The following ROBO2 variants were observed in gnomAD, a reference collection of about 807,000 sequenced individuals.
ROBO2 encodes the protein roundabout guidance receptor 2, also known as roundabout homolog 2.
Under a neutral mutation model 160.8 loss-of-function variants are expected in ROBO2, and 53 were observed. That is an observed-to-expected ratio of 0.33 (90% confidence interval 0.26 to 0.41). ROBO2 has a LOEUF of 0.41. Among genes scored for constraint, ROBO2 ranks in the 10% least tolerant of loss-of-function variants. The probability of loss-of-function intolerance (pLI) is 1.00; values close to 1 mark genes in which losing one functional copy is unlikely to be tolerated. For missense variants in ROBO2, 1,577 were observed against 1,722.4 expected, an observed-to-expected ratio of 0.92 and a Z score of 1.49; for synonymous variants, 664 against 611.7, an observed-to-expected ratio of 1.09 and a Z score of -1.26.
chr3:77,441,624 C>T (rs2079931121), intron 2 of ROBO2, among the ~76,000 whole-genome samples: 3 of 151,998 alleles, frequency 2.0e-5, no homozygotes, highest in Admixed American at 1.3e-4. Flanking sequence ...TTCTGAAGGA[C>T]AGCTGGGACA....
intron 2 of ROBO2, among the ~76,000 whole-genome samples, chr3:76,522,336 G>A (rs553391710): frequency 3.9e-5 from 6 of 151,968 alleles, no homozygotes; most frequent in Non-Finnish European, 7.4e-5. Context: ...GGGATTATTC[G>A]CCCCACTGCT....
chr3:76,388,241 G>A (rs961331118), intron 2 of ROBO2, among the ~76,000 whole-genome samples: 3 of 151,594 alleles, frequency 2.0e-5, no homozygotes, highest in Non-Finnish European at 4.4e-5. Flanking sequence ...ATATAATACA[G>A]TGTAATTTTA....
chr3:76,783,067 T>C (rs1390747174), intron 2 of ROBO2, among the ~76,000 whole-genome samples: 3 of 150,832 alleles, frequency 2.0e-5, no homozygotes. Context: ...CTTTGTGATT[T>C]CCATGAGACT....
At chr3:76,907,136 T>C (rs1392683223) in intron 2 of ROBO2, among the ~76,000 whole-genome samples, 1 of 152,154 alleles carries the variant, frequency 6.6e-6, no homozygotes, top group Non-Finnish European at 1.5e-5. Flanking sequence ...AATGAATGGA[T>C]GGATGAGCAA....
chr3:76,728,630 A>T (rs2093588279), intron 2 of ROBO2, among the ~76,000 whole-genome samples: 1 of 152,198 alleles, frequency 6.6e-6, no homozygotes, highest in Non-Finnish European at 1.5e-5. Context: ...GTCCCCCTAG[A>T]GGCCAGTAAT....
intron 20 of ROBO2, 114 bp downstream of exon 21, chr3:77,602,605 TA>T (rs1260654255): frequency 6.5e-6 from 8 of 1,232,946 alleles, no homozygotes; most frequent in Admixed American, 1.7e-5. Context: ...CTACCTAAAC[TA>T]AAAAAAGATA....
At chr3:77,016,099 C>G (rs905496111) in intron 2 of ROBO2, among the ~76,000 whole-genome samples, 1 of 152,106 alleles carries the variant, frequency 6.6e-6, no homozygotes, top group Non-Finnish European at 1.5e-5. Context: ...GCCTCAGCCT[C>G]CCGAGTAGCT....
chr3:76,077,901 A>G (rs2068694864), intron 2 of ROBO2, among the ~76,000 whole-genome samples: 3 of 152,222 alleles, frequency 2.0e-5, no homozygotes, highest in African/African-American at 7.2e-5. Flanking sequence ...GCCAACTTCC[A>G]TTGATAACCA....
At chr3:76,840,648 TATATATATA>T (rs1559586304) in intron 2 of ROBO2, among the ~76,000 whole-genome samples, 2 of 13,064 alleles carry the variant, frequency 1.5e-4, no homozygotes, top group Admixed American at 6.1e-4. Flanking sequence ...TTATATTTTA[TATATATATA>T]TATATATATA....
At chr3:77,112,030 G>A (rs1290975727) in intron 2 of ROBO2, among the ~76,000 whole-genome samples, 5 of 151,590 alleles carry the variant, frequency 3.3e-5, no homozygotes, top group Admixed American at 6.6e-5. Flanking sequence ...TGGGCAGCAC[G>A]GTCAAACCCC....
chr3:76,543,469 G>T (rs193126332), intron 2 of ROBO2, among the ~76,000 whole-genome samples: 5,404 of 152,172 alleles, frequency 0.036, 151 homozygotes, highest in Non-Finnish European at 0.046. Context: ...AGAAACCTTA[G>T]AATCATCTCT....
chr3:76,088,805 CTAGAAAAA>C (rs1246640330), intron 2 of ROBO2, among the ~76,000 whole-genome samples: 1 of 151,504 alleles, frequency 6.6e-6, no homozygotes, highest in East Asian at 1.9e-4. Flanking sequence ...CATGAAGAAA[CTAGAAAAA>C]TAGAACAAAT....
intron 2 of ROBO2, among the ~76,000 whole-genome samples, chr3:77,144,531 A>T (rs1668293565): frequency 6.6e-6 from 1 of 152,232 alleles, no homozygotes; most frequent in African/African-American, 2.4e-5. Flanking sequence ...TATATATAAA[A>T]CGCACATGCA....
At chr3:76,992,982 C>A (rs1053795026) in intron 2 of ROBO2, among the ~76,000 whole-genome samples, 2 of 151,878 alleles carry the variant, frequency 1.3e-5, no homozygotes, top group Non-Finnish European at 2.9e-5. Flanking sequence ...CGCGCCTGGA[C>A]AATTTTTGTG....
Position 77,639,461 on chromosome 3 carries a change from G to T in ROBO2, c.3934+4418G>T, listed in dbSNP as rs182914736. On this transcript the variant is annotated intron_variant, in intron 24 of 25. Transcript: ENST00000461745. ...GGGAGGAAGTATTTTTAAGTAGAGT[G>T]ACTGGGGAAGTCCTCACCAGGAAGT... Among the ~76,000 whole-genome samples the T allele has an allele frequency of 4.6e-5, 7 of 152,242 alleles. No homozygotes were observed. In the East Asian group the frequency reaches 1.4e-3, roughly 29 times the overall value.
chr3:77,194,908 A>C (rs2082177930), intron 2 of ROBO2, among the ~76,000 whole-genome samples: 1 of 152,166 alleles, frequency 6.6e-6, no homozygotes, highest in Admixed American at 6.6e-5. Flanking sequence ...GTATTAGTAT[A>C]AATATTTAAT....
At chr3:76,199,242 G>A (rs925639816) in intron 2 of ROBO2, among the ~76,000 whole-genome samples, 15 of 152,070 alleles carry the variant, frequency 9.9e-5, no homozygotes, top group African/African-American at 3.1e-4. Context: ...GTGAGAGAAA[G>A]CCACCTTGGC....
chr3:76,751,309 G>A (rs1283658358), intron 2 of ROBO2, among the ~76,000 whole-genome samples: 1 of 151,956 alleles, frequency 6.6e-6, no homozygotes, highest in African/African-American at 2.4e-5. Flanking sequence ...AATTCAAGAT[G>A]GATTAAAGAC....
At chr3:76,025,120 A>G (rs571841170) in intron 2 of ROBO2, among the ~76,000 whole-genome samples, 71 of 151,498 alleles carry the variant, frequency 4.7e-4, no homozygotes, top group Non-Finnish European at 8.9e-4. Flanking sequence ...TCTTAAATAA[A>G]CTCTTGTTCT....
Sources: gnomAD v4.1 joint callset for allele counts (sites outside exome capture counted in the v4.1 genomes callset) on GRCh38, gnomAD v4.1.1 for gene constraint, MANE v1.5 for transcripts, NCBI Gene and HGNC (gene_info 2026-07-23, HGNC 2026-07-21) for gene names.